FHIT: variants seen among roughly 807,000 people sequenced by gnomAD.
FHIT encodes the protein bis(5'-adenosyl)-triphosphatase.
FHIT carries 19 observed loss-of-function variants against 17.9 expected under a neutral mutation model. The ratio of observed to expected loss-of-function variants is 1.06; its 90% CI spans 0.74 to 1.56. FHIT has a LOEUF of 1.56. Among genes scored for constraint, FHIT ranks in the 40% most tolerant of loss-of-function variants. The probability of loss-of-function intolerance (pLI) is 0.00; values close to 1 mark genes in which losing one functional copy is unlikely to be tolerated. For missense variants in FHIT, 248 were observed against 189.2 expected (o/e 1.31, Z -1.82); for synonymous variants, 81 against 69.7 (o/e 1.16, Z -0.81).
intron 2 of FHIT, among the ~76,000 whole-genome samples, chr3:61,167,217 T>C (rs987859632): frequency 2.0e-5 from 3 of 151,972 alleles, no homozygotes; most frequent in South Asian, 2.1e-4. Context: ...ATACATTTTA[T>C]ATTTATATCC....
At chr3:60,924,557 T>G (rs868936895) in intron 3 of FHIT, among the ~76,000 whole-genome samples, 2 of 152,104 alleles carry the variant, frequency 1.3e-5, no homozygotes, top group East Asian at 1.9e-4. Flanking sequence ...ACCCCATCTG[T>G]ACGTCACCAT....
At chr3:60,975,682 A>G (rs1710201400) in intron 3 of FHIT, among the ~76,000 whole-genome samples, 1 of 152,190 alleles carries the variant, frequency 6.6e-6, no homozygotes, top group Non-Finnish European at 1.5e-5. Flanking sequence ...AATATGACCC[A>G]CAGTGAAAAG....
Position 60,266,356 on chromosome 3 carries a change from A to C in FHIT, c.104-252204T>G, listed in dbSNP as rs61542328. 9.4e-3 allele frequency among the ~76,000 whole-genome samples: 1,435 copies of C among 152,186 alleles called. 16 individuals are homozygous for C. Among genetic ancestry groups the C allele is most frequent in the African/African-American group, 0.033 (1,372 of 41,538 alleles). Reference sequence around the variant, plus strand: ...ATGTCCAGAACAGGCCAAGATATAAAAACATAAAATGGAATCATAATGCCC... The same window carrying C: ...ATGTCCAGAACAGGCCAAGATATAACAACATAAAATGGAATCATAATGCCC... On this transcript the variant is annotated intron_variant, in intron 5 of 9. Coordinates refer to ENST00000492590, the MANE Select transcript of FHIT (RefSeq NM_002012.4).
chr3:60,019,203 T>C (rs138607378), intron 5 of FHIT, among the ~76,000 whole-genome samples: 1 of 152,234 alleles, frequency 6.6e-6, no homozygotes, highest in African/African-American at 2.4e-5. Context: ...GCTTACATTG[T>C]CCCACATTCT....
At chr3:60,984,994 G>T (rs1710659427) in intron 3 of FHIT, among the ~76,000 whole-genome samples, 1 of 152,084 alleles carries the variant, frequency 6.6e-6, no homozygotes, top group Admixed American at 6.6e-5. Context: ...TACTAAGGGG[G>T]CCTGATATTC....
intron 1 of FHIT, among the ~76,000 whole-genome samples, chr3:61,209,521 T>C (rs914501782): frequency 1.6e-5 from 2 of 122,298 alleles, no homozygotes; most frequent in Admixed American, 8.9e-5. Flanking sequence ...TGTTTCTTTT[T>C]ATTATTTTTT....
chr3:60,405,300 G>T (rs983500766), intron 5 of FHIT, among the ~76,000 whole-genome samples: 1 of 152,074 alleles, frequency 6.6e-6, no homozygotes, highest in Admixed American at 6.6e-5. Flanking sequence ...CCTTTGAGTG[G>T]TGTCTTCACT....
At chr3:59,920,603 C>T (rs905975258) in intron 8 of FHIT, among the ~76,000 whole-genome samples, 2 of 152,172 alleles carry the variant, frequency 1.3e-5, no homozygotes, top group African/African-American at 2.4e-5. Flanking sequence ...GGTGACTGTT[C>T]AGCCTAAGGA....
intron 7 of FHIT, among the ~76,000 whole-genome samples, chr3:59,980,986 C>G (rs1425137802): frequency 6.6e-6 from 1 of 152,038 alleles, no homozygotes; most frequent in African/African-American, 2.4e-5. Flanking sequence ...TCTTGACAAC[C>G]TTTGTAGTTA....
At chr3:61,088,589 T>C (rs754448495) in intron 2 of FHIT, among the ~76,000 whole-genome samples, 3 of 152,104 alleles carry the variant, frequency 2.0e-5, no homozygotes, top group Non-Finnish European at 4.4e-5. Flanking sequence ...GAAAATATAT[T>C]GGAAACTGTG....
intron 3 of FHIT, among the ~76,000 whole-genome samples, chr3:60,849,939 C>T (rs1259310963): frequency 6.6e-6 from 1 of 152,070 alleles, no homozygotes; most frequent in African/African-American, 2.4e-5. Context: ...GTTGAAAAAA[C>T]TCTAATCTCT....
intron 7 of FHIT, among the ~76,000 whole-genome samples, chr3:60,007,855 T>A (rs968447875): frequency 2.6e-5 from 4 of 152,280 alleles, no homozygotes; most frequent in African/African-American, 7.2e-5. Flanking sequence ...TCTTATGACC[T>A]ACTTGCATGG....
At chr3:60,153,990 C>G (rs1700576487) in intron 5 of FHIT, among the ~76,000 whole-genome samples, 2 of 152,192 alleles carry the variant, frequency 1.3e-5, no homozygotes, top group South Asian at 4.1e-4. Context: ...TTATGATTGA[C>G]TATAAGTGTA....
intron 2 of FHIT, among the ~76,000 whole-genome samples, chr3:61,126,400 C>G (rs2036608693): frequency 6.6e-6 from 1 of 152,136 alleles, no homozygotes; most frequent in Non-Finnish European, 1.5e-5. Flanking sequence ...ACTCACAGTT[C>G]CACATGGTTG....
At chr3:61,233,752 T>G (rs572682423) in intron 1 of FHIT, among the ~76,000 whole-genome samples, 1 of 152,298 alleles carries the variant, frequency 6.6e-6, no homozygotes, top group East Asian at 1.9e-4. Context: ...GGATCAAGAA[T>G]GTGTCTCATT....
chr3:60,034,531 G>C (rs1701134136), intron 5 of FHIT, among the ~76,000 whole-genome samples: 1 of 152,154 alleles, frequency 6.6e-6, no homozygotes, highest in Non-Finnish European at 1.5e-5. Context: ...ATTTGACCAA[G>C]AAATGTCCGT....
At position 59,920,061 on chromosome 3, in the gene FHIT, C is replaced by T. The variant is rs566790608; in HGVS notation, c.348+2285G>A. On this transcript the variant is annotated intron_variant, in intron 8 of 9. Transcript: ENST00000492590. Reference sequence around the variant, plus strand: ...TGGAAAGAATGGTAGATGGGAACATCCAATGACCTGGCTTTGAATCTGGTT... The same window carrying T: ...TGGAAAGAATGGTAGATGGGAACATTCAATGACCTGGCTTTGAATCTGGTT... 2.8e-4 allele frequency among the ~76,000 whole-genome samples: 42 copies of T among 152,280 alleles called. 1 individual carries two copies. The South Asian group carries it at 5.0e-3, about 18-fold the overall frequency.
At chr3:59,908,104 T>A (rs1704671088) in intron 8 of FHIT, among the ~76,000 whole-genome samples, 1 of 152,232 alleles carries the variant, frequency 6.6e-6, no homozygotes, top group South Asian at 2.1e-4. Flanking sequence ...CCATCTAACA[T>A]ATTTACAGGT....
intron 7 of FHIT, among the ~76,000 whole-genome samples, chr3:59,966,451 T>G (rs1030382000): frequency 2.6e-5 from 4 of 152,196 alleles, no homozygotes; most frequent in Admixed American, 6.6e-5. Flanking sequence ...CTGAGAAGTA[T>G]ACTAGTATAT....
Sources: allele counts gnomAD v4.1 joint callset (sites outside exome capture counted in the v4.1 genomes callset), GRCh38; gene constraint gnomAD v4.1.1; transcripts MANE v1.5; gene names NCBI Gene and HGNC (gene_info 2026-07-23, HGNC 2026-07-21).